ARL15: variants seen among roughly 807,000 people sequenced by gnomAD.
ARL15 encodes the protein ADP-ribosylation factor-like protein 15.
In ARL15, 19 loss-of-function variants were observed where a neutral mutation model predicts 25.2. The observed-to-expected ratio is 0.75, with a 90% CI of 0.53 to 1.10. ARL15 has a LOEUF of 1.10. Ranked by LOEUF, ARL15 falls within the 50% of genes least tolerant of loss-of-function variation. ARL15 has a pLI of 0.00. For synonymous variants in ARL15, 94 were observed against 86.8 expected (o/e 1.08, Z -0.46); for missense variants, 220 against 246.0 (o/e 0.89, Z 0.71).
chr5:54,282,236 C>T, intron 1 of ARL15: 1 of 985,276 alleles, frequency 1.0e-6, no homozygotes, highest in Non-Finnish European at 1.2e-6. Flanking sequence ...TTATTTTTCA[C>T]AACATGTGGT....
chr5:54,078,269 T>C (rs944767885), intron 4 of ARL15, among the ~76,000 whole-genome samples: 1 of 152,182 alleles, frequency 6.6e-6, no homozygotes, highest in Non-Finnish European at 1.5e-5. Flanking sequence ...TTGCTTAGGA[T>C]ATACGTTGTG....
chr5:54,002,636 A>C (rs1346479111), intron 4 of ARL15, among the ~76,000 whole-genome samples: 1 of 152,204 alleles, frequency 6.6e-6, no homozygotes, highest in Non-Finnish European at 1.5e-5. Context: ...TTGGAATAAA[A>C]ACTACTCATC....
At chr5:54,204,010 T>A (rs1003021808) in intron 1 of ARL15, among the ~76,000 whole-genome samples, 5 of 152,170 alleles carry the variant, frequency 3.3e-5, no homozygotes, top group Admixed American at 3.3e-4. Flanking sequence ...CCCGCCAAGG[T>A]TTTTTTGTTT....
Position 54,148,134 on chromosome 5 carries a change from T to C in ARL15, c.253+6446A>G, listed in dbSNP as rs543848923. Among the ~76,000 whole-genome samples, 8 of 152,316 alleles carry C rather than the reference T, an allele frequency of 5.3e-5. No homozygotes were observed. In the South Asian group the frequency reaches 1.7e-3, roughly 32 times the overall value. On this transcript the variant is annotated intron_variant, in intron 3 of 4. Coordinates refer to ENST00000504924, the MANE Select transcript of ARL15 (RefSeq NM_019087.3). ...TTGGTGAAAGACATCAAATGGCATG[T>C]GTACAAAAGACAGAAACTAAAAGAA...
At chr5:54,212,846 C>A (rs1756083701) in intron 1 of ARL15, among the ~76,000 whole-genome samples, 1 of 152,116 alleles carries the variant, frequency 6.6e-6, no homozygotes, top group Admixed American at 6.5e-5. Flanking sequence ...GGGGGAGATG[C>A]AGAGTGAGAA....
chr5:53,989,789 T>G (rs548375000), intron 4 of ARL15, among the ~76,000 whole-genome samples: 3 of 152,230 alleles, frequency 2.0e-5, no homozygotes, highest in Non-Finnish European at 4.4e-5. Flanking sequence ...TTCCACAGAA[T>G]AGTGTGAATT....
chr5:53,989,576 G>GGTGTGT (rs34198507), intron 4 of ARL15, among the ~76,000 whole-genome samples: 20 of 149,602 alleles, frequency 1.3e-4, no homozygotes, highest in African/African-American at 4.4e-4. Context: ...ACCAGGGAGG[G>GGTGTGT]GTGTGTGTGT....
intron 4 of ARL15, among the ~76,000 whole-genome samples, chr5:54,098,152 G>C (rs1424311332): frequency 1.3e-5 from 2 of 152,160 alleles, no homozygotes; most frequent in Non-Finnish European, 2.9e-5. Flanking sequence ...ACTGAGGAAA[G>C]TTGGATGCTC....
At chr5:54,187,881 T>C (rs1755283228) in intron 1 of ARL15, among the ~76,000 whole-genome samples, 1 of 152,168 alleles carries the variant, frequency 6.6e-6, no homozygotes, top group South Asian at 2.1e-4. Flanking sequence ...AGCACCTAGC[T>C]TTTGTTAAAC....
intron 4 of ARL15, among the ~76,000 whole-genome samples, chr5:54,044,886 C>T (rs1579732939): frequency 6.6e-6 from 1 of 152,132 alleles, no homozygotes; most frequent in African/African-American, 2.4e-5. Context: ...ATGTGTAAGG[C>T]AATTTTGGAT....
intron 1 of ARL15, among the ~76,000 whole-genome samples, chr5:54,260,660 C>A (rs1035329316): frequency 2.0e-5 from 3 of 152,144 alleles, no homozygotes; most frequent in Non-Finnish European, 2.9e-5. Context: ...TTATATAATG[C>A]ATATTTTTCC....
At chr5:54,240,246 A>G (rs1315807290) in intron 1 of ARL15, among the ~76,000 whole-genome samples, 1 of 136,736 alleles carries the variant, frequency 7.3e-6, no homozygotes. Context: ...AAAAAAAAAA[A>G]CACATCGCCA....
intron 3 of ARL15, 66 bp downstream of exon 3, chr5:54,154,514 A>G (rs773133322): frequency 3.9e-5 from 39 of 1,012,464 alleles, no homozygotes; most frequent in Non-Finnish European, 5.5e-5. Flanking sequence ...TGAATTACAT[A>G]TAATACATTA....
intron 4 of ARL15, among the ~76,000 whole-genome samples, chr5:53,920,278 G>A (rs180931241): frequency 1.6e-3 from 244 of 152,188 alleles, no homozygotes; most frequent in Non-Finnish European, 2.7e-3. Flanking sequence ...GAGGGTAATT[G>A]AAGACATGAT....
chr5:54,237,421 T>C (rs1017830136), intron 1 of ARL15, among the ~76,000 whole-genome samples: 3 of 152,152 alleles, frequency 2.0e-5, no homozygotes, highest in Non-Finnish European at 2.9e-5. Context: ...GGTAGAGAAG[T>C]ACCCTGAAGT....
intron 3 of ARL15, among the ~76,000 whole-genome samples, chr5:54,133,432 C>A (rs963977737): frequency 6.6e-6 from 1 of 152,076 alleles, no homozygotes; most frequent in East Asian, 1.9e-4. Context: ...GAGAAAGTGG[C>A]AAGTGCTGGC....
intron 4 of ARL15, among the ~76,000 whole-genome samples, chr5:53,977,324 C>A (rs1213069575): frequency 1.4e-5 from 2 of 138,206 alleles, no homozygotes; most frequent in African/African-American, 5.6e-5. Context: ...CACTGCACTC[C>A]AGCCTGAGCA....
intron 4 of ARL15, among the ~76,000 whole-genome samples, chr5:54,045,358 T>G (rs1022214060): frequency 1.3e-5 from 2 of 152,198 alleles, no homozygotes; most frequent in Non-Finnish European, 2.9e-5. Flanking sequence ...GGCTAAGAAC[T>G]GTATTTTCTT....
chr5:54,229,393 TA>T (rs1252284261), intron 1 of ARL15, among the ~76,000 whole-genome samples: 1 of 152,162 alleles, frequency 6.6e-6, no homozygotes, highest in Non-Finnish European at 1.5e-5. Flanking sequence ...GGACACACTG[TA>T]GAAATCCTTC....
Sources: allele counts gnomAD v4.1 joint callset (sites outside exome capture counted in the v4.1 genomes callset), GRCh38; gene constraint gnomAD v4.1.1; transcripts MANE v1.5; gene names NCBI Gene and HGNC (gene_info 2026-07-23, HGNC 2026-07-21).